Variants in DAPK1 observed in about 807,000 individuals in gnomAD.
The protein encoded by DAPK1 is death associated protein kinase 1.
A neutral mutation model predicts 144.9 loss-of-function variants in DAPK1; 56 were observed. The ratio of observed to expected loss-of-function variants is 0.39; its 90% CI spans 0.31 to 0.48. The LOEUF (loss-of-function observed/expected upper bound fraction) is 0.48, where lower values mean the gene tolerates loss of function less well. DAPK1 is among the 20% of genes least tolerant of loss of function. The pLI is 0.95. For synonymous variants in DAPK1, 690 were observed against 749.0 expected (o/e 0.92, Z 1.29); for missense variants, 1,454 against 1,875.4 (o/e 0.78, Z 4.15).
intron 24 of DAPK1, among the ~76,000 whole-genome samples, chr9:87,700,569 G>A (rs1825422973): frequency 6.6e-6 from 1 of 152,046 alleles, no homozygotes. Flanking sequence ...TGTGATCATA[G>A]CTCACCGTAA....
chr9:87,575,691 TG>T (rs573465240), intron 2 of DAPK1, among the ~76,000 whole-genome samples: 199 of 152,318 alleles, frequency 1.3e-3, no homozygotes, highest in African/African-American at 4.7e-3. Context: ...TCTGTACAGA[TG>T]AAGACTCATA....
chr9:87,654,580 G>A (rs770919230), intron 17 of DAPK1, among the ~76,000 whole-genome samples: 11 of 152,170 alleles, frequency 7.2e-5, no homozygotes, highest in Non-Finnish European at 1.3e-4. Context: ...AGTTTGTCCC[G>A]TTTTAATCTT....
intron 2 of DAPK1, among the ~76,000 whole-genome samples, chr9:87,580,464 A>G (rs1827713784): frequency 6.6e-6 from 1 of 152,158 alleles, no homozygotes; most frequent in Non-Finnish European, 1.5e-5. Context: ...TTTTGTTCTC[A>G]TAAATATATT....
chr9:87,647,098 C>G (rs535954283), intron 13 of DAPK1, among the ~76,000 whole-genome samples: 1 of 152,358 alleles, frequency 6.6e-6, no homozygotes, highest in East Asian at 1.9e-4. Context: ...ATTCGCTTCA[C>G]CCAGGTGCCC....
intron 2 of DAPK1, among the ~76,000 whole-genome samples, chr9:87,551,933 AGCC>A: frequency 6.6e-6 from 1 of 152,338 alleles, no homozygotes; most frequent in East Asian, 1.9e-4. Context: ...CTCCGTGGGC[AGCC>A]GGAATCTAGA....
intron 11 of DAPK1, among the ~76,000 whole-genome samples, chr9:87,645,040 G>A (rs1830222875): frequency 1.3e-5 from 2 of 152,150 alleles, no homozygotes; most frequent in South Asian, 4.1e-4. Flanking sequence ...GAAAGCAGAT[G>A]GAGAGAAATG....
intron 22 of DAPK1, among the ~76,000 whole-genome samples, chr9:87,698,180 C>A (rs1434229983): frequency 6.6e-6 from 1 of 152,132 alleles, no homozygotes; most frequent in Admixed American, 6.5e-5. Flanking sequence ...TGGGTACTGC[C>A]AGTTTTGCCT....
intron 19 of DAPK1, among the ~76,000 whole-genome samples, chr9:87,674,111 T>C (rs929363720): frequency 6.6e-6 from 1 of 152,186 alleles, no homozygotes; most frequent in East Asian, 1.9e-4. Flanking sequence ...TCCATTCTTA[T>C]CTGATTTTAA....
At chr9:87,583,323 A>G (rs548491461) in intron 2 of DAPK1, among the ~76,000 whole-genome samples, 2 of 152,290 alleles carry the variant, frequency 1.3e-5, no homozygotes, top group Admixed American at 1.3e-4. Context: ...AGTAGCAGTC[A>G]CTGGGAATGC....
chr9:87,683,564 G>A (rs1245167898), intron 20 of DAPK1, among the ~76,000 whole-genome samples: 1 of 152,200 alleles, frequency 6.6e-6, no homozygotes, highest in African/African-American at 2.4e-5. Context: ...CAAGGCCTAA[G>A]TGGGTGTGCA....
chr9:87,686,442 G>T lies in DAPK1; in HGVS notation c.2225-109G>T, dbSNP rs1160760665. On this transcript the variant is annotated intron_variant, in intron 20 of 25. Transcript: ENST00000408954. This position sits in a 1 kb window ranked among gnomAD's most constrained non-coding sequence, Gnocchi z 4.2. ...CACTCAGCCTGAAGCCAGAGTTGGGGTGGGGACAGAGGCGTGCTCCAGAAA... is the reference window on the plus strand; with the variant it reads ...CACTCAGCCTGAAGCCAGAGTTGGGTTGGGGACAGAGGCGTGCTCCAGAAA... The T allele has an allele frequency of 3.1e-6, 2 of 655,690 alleles. No homozygotes were observed. Among genetic ancestry groups the T allele is most frequent in the East Asian group, 2.7e-5 (1 of 36,726 alleles). The allele number at this position is 655,690 out of a possible 1,614,324, so 40.6% of individuals were successfully genotyped here. A position where few individuals can be genotyped will look rare whatever the true frequency, so the allele number is the denominator to read the frequency against.
Position 87,523,200 on chromosome 9 carries a change from C to G in DAPK1, c.62+24061C>G, listed in dbSNP as rs575871435. On this transcript the variant is annotated intron_variant, in intron 2 of 25. Transcript: ENST00000408954. ...ACTATCCATCTCCAGAAGTCTTTCACCGTCCCAGACAGCTGTATTTTTTAA... is the reference window on the plus strand; with the variant it reads ...ACTATCCATCTCCAGAAGTCTTTCAGCGTCCCAGACAGCTGTATTTTTTAA... Among the ~76,000 whole-genome samples, 16 of 152,342 alleles carry G rather than the reference C, an allele frequency of 1.1e-4. No individual in the cohort carries two copies. In the South Asian group the frequency reaches 2.9e-3, roughly 28 times the overall value.
At chr9:87,679,513 T>C (rs1455421133) in intron 19 of DAPK1, among the ~76,000 whole-genome samples, 1 of 152,136 alleles carries the variant, frequency 6.6e-6, no homozygotes, top group Non-Finnish European at 1.5e-5. Context: ...CACGTAAACC[T>C]TGAGCAGGTT....
chr9:87,692,083 G>A (rs1825074181), intron 21 of DAPK1, among the ~76,000 whole-genome samples: 1 of 150,658 alleles, frequency 6.6e-6, no homozygotes, highest in Non-Finnish European at 1.5e-5. Context: ...GTGGGGTGTT[G>A]AATTCCCCAA....
chr9:87,692,909 A>G (rs1342890947), intron 21 of DAPK1, among the ~76,000 whole-genome samples: 2 of 138,018 alleles, frequency 1.4e-5, no homozygotes, highest in African/African-American at 5.5e-5. Context: ...CTGCTGAGAA[A>G]TCTGCTGTGA....
At chr9:87,668,776 CA>C (rs1831151320) in intron 19 of DAPK1, 102 bp downstream of exon 19, 1 of 801,332 alleles carries the variant, frequency 1.2e-6, no homozygotes, top group Non-Finnish European at 2.2e-6. Flanking sequence ...AGGCTCTAGA[CA>C]GCCAGGTTTT....
chr9:87,580,611 T>C (rs1472572913), intron 2 of DAPK1, among the ~76,000 whole-genome samples: 1 of 152,228 alleles, frequency 6.6e-6, no homozygotes, highest in East Asian at 1.9e-4. Flanking sequence ...CTTTGGATAT[T>C]GAGCACTTAT....
chr9:87,597,581 G>A lies in DAPK1; in HGVS notation c.63-7373G>A, dbSNP rs141688226. On this transcript the variant is annotated intron_variant, in intron 2 of 25. Transcript: ENST00000408954. ...TTTTCATCCTTTCCATGTGCTTGAT[G>A]TGTTTAGAGAAAACAGTGTGCGCTC... 8.5e-5 allele frequency among the ~76,000 whole-genome samples: 13 copies of A among 152,190 alleles called. No homozygotes were observed. In the East Asian group the frequency reaches 2.5e-3, roughly 29 times the overall value.
In DAPK1 at chr9:87,497,883, A is replaced by G. The variant is rs1319290013; in HGVS notation, c.-333A>G. ...CGAGAGGCTGCTTCGGAGTGTGAGG[A>G]GGACAGCCGGACCGAGCCAACGCCG... On this transcript the variant is annotated 5_prime_UTR_variant, in exon 1 of 26. Coordinates refer to ENST00000408954, the MANE Select transcript of DAPK1 (RefSeq NM_004938.4). The G allele has an allele frequency of 7.6e-6, 3 of 393,430 alleles. No individual in the cohort carries two copies. Among genetic ancestry groups the G allele is most frequent in the Non-Finnish European group, 1.3e-5 (3 of 223,328 alleles). The allele number at this position is 393,430 out of a possible 1,614,324, so 24.4% of individuals were successfully genotyped here.
Sources: gnomAD v4.1 joint callset for allele counts (sites outside exome capture counted in the v4.1 genomes callset) on GRCh38, gnomAD v4.1.1 for gene constraint, Gnocchi (gnomAD v3.1) non-coding constraint, MANE v1.5 for transcripts, NCBI Gene and HGNC (gene_info 2026-07-23, HGNC 2026-07-21) for gene names.